MINAR1: variants seen among roughly 807,000 people sequenced by gnomAD.
MINAR1 encodes the protein major intrinsically disordered Notch2-binding receptor 1.
In MINAR1, 40 loss-of-function variants were observed where a neutral mutation model predicts 65.1. That is an observed-to-expected ratio of 0.61 (90% CI 0.48 to 0.80). MINAR1 has a LOEUF of 0.80. Ranked by LOEUF, MINAR1 falls within the 30% of genes least tolerant of loss-of-function variation. The probability of loss-of-function intolerance (pLI) is 0.00; values close to 1 mark genes in which losing one functional copy is unlikely to be tolerated. For missense variants in MINAR1, 1,128 were observed against 1,148.0 expected (o/e 0.98, Z 0.25); for synonymous variants, 482 against 449.1 (o/e 1.07, Z -0.93).
At position 79,469,653 on chromosome 15, in the gene MINAR1, G is replaced by C. The variant is rs1407110023; in HGVS notation, c.*1269G>C. 1 of 152,586 alleles carries C rather than the reference G, an allele frequency of 6.6e-6. No homozygotes were observed. The highest frequency in any genetic ancestry group is 2.4e-5 in the African/African-American group (1 of 41,440). 9.5% of individuals were successfully genotyped at this position (152,586 alleles called of 1,614,324 possible). On this transcript the variant is annotated 3_prime_UTR_variant, in exon 4 of 4. Transcript: ENST00000305428. ...TTTCTTTCGTGTAAAAGAAGCTGTTGTAATTTCATCCAAATTTGATCTGTT... is the reference window on the plus strand; with the variant it reads ...TTTCTTTCGTGTAAAAGAAGCTGTTCTAATTTCATCCAAATTTGATCTGTT...
intron 1 of MINAR1, among the ~76,000 whole-genome samples, chr15:79,451,449 A>G (rs921800136): frequency 2.6e-5 from 4 of 152,036 alleles, no homozygotes; most frequent in Non-Finnish European, 5.9e-5. Flanking sequence ...GGTGAGCAGG[A>G]CTGCGGGAGG....
At chr15:79,418,270 A>T in the MINAR1 span, 1 of 152,216 alleles carries the variant, frequency 6.6e-6, no homozygotes, top group Non-Finnish European at 1.5e-5. Flanking sequence ...ATTTATAGGT[A>T]AAAAAATGAA....
At chr15:79,435,276 C>CA (rs35709335) in intron 1 of MINAR1, among the ~76,000 whole-genome samples, 26,361 of 140,546 alleles carry the variant, frequency 0.19, 2,448 homozygotes, top group South Asian at 0.21. Context: ...AAATCCGTCT[C>CA]AAAAAAAAAA....
Position 79,457,642 on chromosome 15 carries a change from A to G in MINAR1, c.1495A>G (p.Ser499Gly). 2 of 1,614,228 alleles carry G rather than the reference A, an allele frequency of 1.2e-6. No individual in the cohort carries two copies. Among genetic ancestry groups the G allele is most frequent in the African/African-American group, 2.7e-5 (2 of 75,066 alleles). ...GTGCACCTCTGGTCAGGGCAAGTAC[A>G]GTGACAGGCACACCATGAAGCACTC... ...DLCTSGQGKY[S>G]DRHTMKHSDD... Residue 499 changes from serine (S) to glycine (G), a missense_variant, in exon 2 of 4, where the codon AGT (serine) becomes GGT (glycine). Transcript: ENST00000305428.
chr15:79,456,837 C>G lies in MINAR1; in HGVS notation c.690C>G (p.Ser230=), dbSNP rs28660332. 1 of 1,614,038 alleles carries G rather than the reference C, an allele frequency of 6.2e-7. No homozygotes were observed. Among genetic ancestry groups the G allele is most frequent in the African/African-American group, 1.3e-5 (1 of 74,906 alleles). The change falls in exon 2 of 4, where the codon TCC becomes TCG. Residue 230 remains serine (S), a synonymous_variant. Transcript: ENST00000305428. Reference sequence around the variant, plus strand: ...ACGAGTCCATTTCAGACCAGGACTCCCTGCCCATCAATCAGAGCATCAAGG... The same window carrying G: ...ACGAGTCCATTTCAGACCAGGACTCGCTGCCCATCAATCAGAGCATCAAGG... The part of the protein sequence containing the change: ...IENESISDQD[S]LPINQSIKET...
In MINAR1 at chr15:79,454,816, A is replaced by G. The variant is rs1160430028; in HGVS notation, c.-50-1282A>G. ...CTTTCTGGGGCAATGGGAACATTCT[A>G]GTTCTTTATAGGGTCTTCGGTTTCT... is the stretch of plus-strand genomic sequence containing the variant. On this transcript the variant is annotated intron_variant, in intron 1 of 3. Coordinates refer to ENST00000305428, the MANE Select transcript of MINAR1 (RefSeq NM_015206.3). Among the ~76,000 whole-genome samples, 6 of 152,172 alleles carry G rather than the reference A, an allele frequency of 3.9e-5. No individual in the cohort carries two copies. The East Asian group carries it at 1.2e-3, about 29-fold the overall frequency.
chr15:79,419,635 A>G, the MINAR1 span: 1 of 152,222 alleles, frequency 6.6e-6, no homozygotes, highest in South Asian at 2.1e-4. Flanking sequence ...AGGACAGAAG[A>G]AAGATATTTT....
upstream of MINAR1, among the ~76,000 whole-genome samples, chr15:79,428,637 C>T (rs77915065): frequency 6.6e-6 from 1 of 151,992 alleles, no homozygotes; most frequent in Non-Finnish European, 1.5e-5. Context: ...TTCCCAAAAA[C>T]TCTATGAAAT....
At chr15:79,434,539 T>A (rs1276305522) in intron 1 of MINAR1, among the ~76,000 whole-genome samples, 1 of 152,192 alleles carries the variant, frequency 6.6e-6, no homozygotes, top group Non-Finnish European at 1.5e-5. Context: ...TATGGCTCTG[T>A]GCCTGCTGGG....
chr15:79,447,978 C>A (rs1038036768), intron 1 of MINAR1, among the ~76,000 whole-genome samples: 2 of 152,120 alleles, frequency 1.3e-5, no homozygotes, highest in African/African-American at 4.8e-5. Flanking sequence ...CCTAATCTAC[C>A]TTAGAAGGAC....
At chr15:79,462,964 T>C in intron 2 of MINAR1, 103 bp from the exon 3 acceptor site, 1 of 1,310,442 alleles carries the variant, frequency 7.6e-7, no homozygotes, top group Non-Finnish European at 1.0e-6. Flanking sequence ...AACTGCACTT[T>C]GCTACCTGAA....
chr15:79,418,435 C>G, the MINAR1 span: 1 of 152,206 alleles, frequency 6.6e-6, no homozygotes, highest in Admixed American at 6.5e-5. Flanking sequence ...TTCGCAGTCC[C>G]CTGCACCCAC....
At chr15:79,462,392 TATTA>T (rs1317065407) in intron 2 of MINAR1, among the ~76,000 whole-genome samples, 3 of 152,182 alleles carry the variant, frequency 2.0e-5, no homozygotes, top group African/African-American at 7.2e-5. Context: ...GGACTGAGAA[TATTA>T]ATTATTGCCA....
upstream of MINAR1, among the ~76,000 whole-genome samples, chr15:79,429,392 A>T (rs1314165840): frequency 6.6e-6 from 1 of 152,258 alleles, no homozygotes; most frequent in East Asian, 1.9e-4. Context: ...TATATCACTT[A>T]TCAAATGTCT....
chr15:79,467,431 C>G (rs1321628573), intron 3 of MINAR1, among the ~76,000 whole-genome samples: 1 of 152,140 alleles, frequency 6.6e-6, no homozygotes, highest in Non-Finnish European at 1.5e-5. Context: ...TAACTGTCAA[C>G]GTGGAATAGG....
intron 2 of MINAR1, among the ~76,000 whole-genome samples, chr15:79,460,809 G>T (rs1255636287): frequency 6.6e-6 from 1 of 152,164 alleles, no homozygotes; most frequent in Non-Finnish European, 1.5e-5. Context: ...GTTATACCTT[G>T]ACTGGACCCT....
At chr15:79,446,852 T>C (rs1895036698) in intron 1 of MINAR1, among the ~76,000 whole-genome samples, 1 of 152,202 alleles carries the variant, frequency 6.6e-6, no homozygotes, top group African/African-American at 2.4e-5. Context: ...CTCATGTCTC[T>C]TAAGCTTGAT....
chr15:79,421,082 ACAT>A, the MINAR1 span: 1 of 152,246 alleles, frequency 6.6e-6, no homozygotes, highest in Non-Finnish European at 1.5e-5. Context: ...GCTGTAAATA[ACAT>A]CAGTTAAAAT....
chr15:79,461,416 A>T (rs1369718588), intron 2 of MINAR1, among the ~76,000 whole-genome samples: 1 of 152,246 alleles, frequency 6.6e-6, no homozygotes, highest in Non-Finnish European at 1.5e-5. Context: ...AATTGCAATT[A>T]TGCCTGCAGT....
Sources: gnomAD v4.1 joint callset for allele counts (sites outside exome capture counted in the v4.1 genomes callset) on GRCh38, gnomAD v4.1.1 for gene constraint, MANE v1.5 for transcripts, NCBI Gene and HGNC (gene_info 2026-07-23, HGNC 2026-07-21) for gene names.